Variants in GRM7 observed in about 807,000 individuals in gnomAD.
GRM7 encodes the protein glutamate metabotropic receptor 7, also known as metabotropic glutamate receptor 7.
Under a neutral mutation model 84.5 loss-of-function variants are expected in GRM7, and 35 were observed. That is an observed-to-expected ratio of 0.41 (90% CI 0.32 to 0.55). The LOEUF (loss-of-function observed/expected upper bound fraction) is 0.55. GRM7 is among the 20% of genes least tolerant of loss of function. GRM7 has a pLI of 0.19. For missense variants in GRM7, 1,003 were observed against 1,194.6 expected (o/e 0.84, Z 2.36); for synonymous variants, 487 against 455.1 (o/e 1.07, Z -0.89).
chr3:7,037,878 T>C (rs1242955243), intron 1 of GRM7, among the ~76,000 whole-genome samples: 1 of 152,200 alleles, frequency 6.6e-6, no homozygotes, highest in Non-Finnish European at 1.5e-5. Context: ...TCCAAGTCCC[T>C]AGTTATTAAA....
rs144084498 is a variant in GRM7, at chr3:7,347,324, C to T, written c.1033+40672C>T. On this transcript the variant is annotated intron_variant, in intron 4 of 9. Coordinates refer to ENST00000357716, the MANE Select transcript of GRM7 (RefSeq NM_000844.4). Reference sequence around the variant, plus strand: ...AGACCTCTGTTATACATTTTATGTTCTTGAGCAAAAGGATATTTGGAACCT... The same window carrying T: ...AGACCTCTGTTATACATTTTATGTTTTTGAGCAAAAGGATATTTGGAACCT... Among the ~76,000 whole-genome samples the T allele has an allele frequency of 1.3e-4, 20 of 152,148 alleles. 1 individual carries two copies. Among genetic ancestry groups the T allele is most frequent in the African/African-American group, 4.8e-4 (20 of 41,534 alleles).
At chr3:7,432,240 TAA>T (rs2124850970) in intron 5 of GRM7, among the ~76,000 whole-genome samples, 1 of 152,352 alleles carries the variant, frequency 6.6e-6, no homozygotes, top group East Asian at 1.9e-4. Context: ...TTAAAGCTGA[TAA>T]AACGCAAAGA....
At chr3:7,242,938 A>C (rs1697615603) in intron 2 of GRM7, among the ~76,000 whole-genome samples, 1 of 152,160 alleles carries the variant, frequency 6.6e-6, no homozygotes, top group Admixed American at 6.6e-5. Context: ...AAAATAGTGT[A>C]GATTAAAAAT....
At chr3:7,190,725 A>G (rs971764617) in intron 2 of GRM7, among the ~76,000 whole-genome samples, 1 of 152,052 alleles carries the variant, frequency 6.6e-6, no homozygotes, top group Non-Finnish European at 1.5e-5. Context: ...TCTTAAAATC[A>G]TGGTGTCCTT....
intron 1 of GRM7, among the ~76,000 whole-genome samples, chr3:7,001,209 G>C (rs1695002799): frequency 6.6e-6 from 1 of 152,092 alleles, no homozygotes; most frequent in South Asian, 2.1e-4. Flanking sequence ...AATTGTCTGG[G>C]CATGGTGGTA....
At chr3:7,327,351 C>T (rs1701027363) in intron 4 of GRM7, among the ~76,000 whole-genome samples, 1 of 152,076 alleles carries the variant, frequency 6.6e-6, no homozygotes, top group African/African-American at 2.4e-5. Flanking sequence ...CTCCCCTCTG[C>T]CTCCTATCAG....
At chr3:7,458,558 C>T (rs1041638101) in intron 6 of GRM7, among the ~76,000 whole-genome samples, 1 of 152,102 alleles carries the variant, frequency 6.6e-6, no homozygotes, top group Non-Finnish European at 1.5e-5. Flanking sequence ...GTATGCAGCT[C>T]TTCTGCCTTA....
At chr3:7,527,771 C>T (rs9869077) in intron 7 of GRM7, among the ~76,000 whole-genome samples, 58,532 of 151,772 alleles carry the variant, frequency 0.39, 12,318 homozygotes, top group East Asian at 0.53. Context: ...GTTTTCTGTG[C>T]CTATTGAGAT....
At chr3:7,071,304 T>C (rs1214181585) in intron 1 of GRM7, among the ~76,000 whole-genome samples, 1 of 152,174 alleles carries the variant, frequency 6.6e-6, no homozygotes, top group Non-Finnish European at 1.5e-5. Context: ...TGGTCACTCT[T>C]AGAATAACTT....
intron 1 of GRM7, among the ~76,000 whole-genome samples, chr3:7,066,028 G>A (rs11923498): frequency 0.11 from 16,489 of 151,560 alleles, 1,197 homozygotes; most frequent in African/African-American, 0.21. Flanking sequence ...CAGCAAAGGC[G>A]GTGCCAAGAG....
chr3:7,219,608 A>C (rs1412281922), intron 2 of GRM7, among the ~76,000 whole-genome samples: 2 of 152,206 alleles, frequency 1.3e-5, no homozygotes, highest in Non-Finnish European at 2.9e-5. Context: ...GCTCAAGTTC[A>C]GTTTAATATA....
intron 1 of GRM7, among the ~76,000 whole-genome samples, chr3:7,067,069 T>C (rs750994916): frequency 9.9e-5 from 15 of 151,912 alleles, no homozygotes; most frequent in Non-Finnish European, 1.8e-4. Context: ...AACATAATAC[T>C]GAATGGGAAA....
At chr3:7,417,663 G>T (rs566484628) in intron 5 of GRM7, among the ~76,000 whole-genome samples, 8 of 152,196 alleles carry the variant, frequency 5.3e-5, no homozygotes, top group Admixed American at 3.9e-4. Context: ...GTAGAACATA[G>T]CCCCCTTCAC....
At chr3:6,955,512 G>A (rs1692999965) in intron 1 of GRM7, among the ~76,000 whole-genome samples, 1 of 151,752 alleles carries the variant, frequency 6.6e-6, no homozygotes, top group South Asian at 2.1e-4. Flanking sequence ...ACTCCAGCCT[G>A]GGTGACAGAG....
chr3:6,922,070 C>T (rs182885), intron 1 of GRM7, among the ~76,000 whole-genome samples: 103,423 of 152,108 alleles, frequency 0.68, 35,419 homozygotes, highest in African/African-American at 0.76. Flanking sequence ...AAACATTTGA[C>T]GACTAAGCAT....
At chr3:7,282,863 C>G (rs1699302681) in intron 2 of GRM7, among the ~76,000 whole-genome samples, 1 of 152,290 alleles carries the variant, frequency 6.6e-6, no homozygotes, top group South Asian at 2.1e-4. Flanking sequence ...GAGAGGAACT[C>G]ATTTGAAAAA....
chr3:7,614,911 T>G (rs576211838), intron 8 of GRM7, among the ~76,000 whole-genome samples: 83 of 152,310 alleles, frequency 5.4e-4, no homozygotes, highest in Admixed American at 1.4e-3. Context: ...ATTTATTCTT[T>G]CTGACTCTCC....
At chr3:7,115,772 T>C (rs1265156547) in intron 1 of GRM7, among the ~76,000 whole-genome samples, 2 of 152,254 alleles carry the variant, frequency 1.3e-5, no homozygotes, top group East Asian at 3.9e-4. Context: ...TTCCTGATTA[T>C]TCTGTACAAA....
Position 7,523,441 on chromosome 3 carries a change from G to A in GRM7, c.1516-54981G>A, listed in dbSNP as rs560578230. Reference sequence around the variant, plus strand: ...TGGCAATGTGCACTCTGTTTTGCTAGGCCGGACTTTAATGCAGACTGGTAA... The same window carrying A: ...TGGCAATGTGCACTCTGTTTTGCTAAGCCGGACTTTAATGCAGACTGGTAA... On this transcript the variant is annotated intron_variant, in intron 7 of 9. Coordinates refer to ENST00000357716, the MANE Select transcript of GRM7 (RefSeq NM_000844.4). Among the ~76,000 whole-genome samples, 8 of 152,258 alleles carry A rather than the reference G, an allele frequency of 5.3e-5. No individual in the cohort carries two copies. The South Asian group carries it at 1.2e-3, about 24-fold the overall frequency.
Sources: allele counts gnomAD v4.1 joint callset (sites outside exome capture counted in the v4.1 genomes callset), GRCh38; gene constraint gnomAD v4.1.1; transcripts MANE v1.5; gene names NCBI Gene and HGNC (gene_info 2026-07-23, HGNC 2026-07-21).